The following HS3ST4 variants were observed in gnomAD, a reference collection of about 807,000 sequenced individuals.
HS3ST4 encodes heparan sulfate glucosamine 3-O-sulfotransferase 4.
In HS3ST4, 17 loss-of-function variants were observed where a neutral mutation model predicts 29.2. The observed-to-expected ratio is 0.58, with a 90% CI of 0.40 to 0.87. HS3ST4 has a LOEUF of 0.87. Among genes scored for constraint, HS3ST4 ranks in the 40% least tolerant of loss-of-function variants. The pLI is 0.00. For synonymous variants in HS3ST4, 314 were observed against 285.7 expected, an observed-to-expected ratio of 1.10 and a Z score of -1.00; for missense variants, 627 against 634.5, an observed-to-expected ratio of 0.99 and a Z score of 0.13.
At chr16:25,984,214 C>T (rs8050948) in intron 1 of HS3ST4, among the ~76,000 whole-genome samples, 3,122 of 152,256 alleles carry the variant, frequency 0.021, 127 homozygotes, top group African/African-American at 0.072. Context: ...ACACAGTGGT[C>T]CCCAACCTTT....
chr16:25,921,044 T>C (rs932643921), intron 1 of HS3ST4, among the ~76,000 whole-genome samples: 1 of 152,222 alleles, frequency 6.6e-6, no homozygotes, highest in African/African-American at 2.4e-5. Context: ...AATAACACTA[T>C]ACATTTTACC....
chr16:26,029,678 T>C (rs1325018040), intron 1 of HS3ST4, among the ~76,000 whole-genome samples: 1 of 152,220 alleles, frequency 6.6e-6, no homozygotes, highest in Non-Finnish European at 1.5e-5. Flanking sequence ...CCCAAAGTGC[T>C]GGGATTATAG....
chr16:25,760,843 C>G (rs775929573), intron 1 of HS3ST4, among the ~76,000 whole-genome samples: 1 of 152,174 alleles, frequency 6.6e-6, no homozygotes, highest in Non-Finnish European at 1.5e-5. Context: ...AGATATAATT[C>G]AGCCCATAAC....
At chr16:26,063,267 A>G (rs1898501617) in intron 1 of HS3ST4, among the ~76,000 whole-genome samples, 1 of 152,102 alleles carries the variant, frequency 6.6e-6, no homozygotes, top group Non-Finnish European at 1.5e-5. Context: ...AAGCATTTCT[A>G]TCATCCCCAA....
At chr16:25,959,119 G>C (rs1968767920) in intron 1 of HS3ST4, among the ~76,000 whole-genome samples, 1 of 152,164 alleles carries the variant, frequency 6.6e-6, no homozygotes, top group South Asian at 2.1e-4. Flanking sequence ...AAGGGTTTTG[G>C]AGTGGGCCGA....
Position 25,974,056 on chromosome 16 carries a change from C to G in HS3ST4, c.735-161556C>G, listed in dbSNP as rs1047090131. Reference sequence around the variant, plus strand: ...GTCACACTTAGCCCAGCTTCCTGCCCAACTCTTACCAGAGACAAGGCTCTT... The same window carrying G: ...GTCACACTTAGCCCAGCTTCCTGCCGAACTCTTACCAGAGACAAGGCTCTT... On this transcript the variant is annotated intron_variant, in intron 1 of 1. Transcript: ENST00000331351. Among the ~76,000 whole-genome samples the G allele has an allele frequency of 5.3e-5, 8 of 152,310 alleles. No homozygotes were observed. The East Asian group carries it at 1.3e-3, about 26-fold the overall frequency.
At chr16:26,062,940 C>T (rs1898494138) in intron 1 of HS3ST4, 1 of 214,778 alleles carries the variant, frequency 4.7e-6, no homozygotes, top group Non-Finnish European at 9.8e-6. Flanking sequence ...TCTCTTCAAC[C>T]TTCACTTTAG....
intron 1 of HS3ST4, among the ~76,000 whole-genome samples, chr16:25,917,528 A>G (rs1968304636): frequency 6.6e-6 from 1 of 152,214 alleles, no homozygotes; most frequent in South Asian, 2.1e-4. Context: ...CTTTCTAAAC[A>G]GACCAGGATG....
intron 1 of HS3ST4, among the ~76,000 whole-genome samples, chr16:26,012,712 A>G (rs1969321717): frequency 6.6e-6 from 1 of 152,208 alleles, no homozygotes; most frequent in Non-Finnish European, 1.5e-5. Context: ...CACATTCTTT[A>G]TATTCTCAGT....
chr16:26,075,167 C>T (rs777177046), intron 1 of HS3ST4, among the ~76,000 whole-genome samples: 5 of 152,148 alleles, frequency 3.3e-5, no homozygotes, highest in Non-Finnish European at 5.9e-5. Context: ...CACTCCAGCC[C>T]GGCAACAGAG....
chr16:26,032,908 TCA>T, intron 1 of HS3ST4: 1 of 924,502 alleles, frequency 1.1e-6, no homozygotes, highest in Admixed American at 1.9e-5. Flanking sequence ...CGCCTCTTCT[TCA>T]CACTGCTCCG....
chr16:26,123,475 G>A (rs1899302955), intron 1 of HS3ST4, among the ~76,000 whole-genome samples: 1 of 152,184 alleles, frequency 6.6e-6, no homozygotes, highest in South Asian at 2.1e-4. Context: ...AGTCCTAAGA[G>A]ATAACGAGAG....
chr16:25,982,731 G>A (rs1031193494), intron 1 of HS3ST4, among the ~76,000 whole-genome samples: 2 of 152,032 alleles, frequency 1.3e-5, no homozygotes, highest in African/African-American at 2.4e-5. Flanking sequence ...TTGGGAAGCC[G>A]AGGCAGGAGG....
chr16:26,120,052 A>AGTGTGTGTGTGTGT (rs35643541), intron 1 of HS3ST4, among the ~76,000 whole-genome samples: 1 of 131,450 alleles, frequency 7.6e-6, no homozygotes, highest in African/African-American at 2.7e-5. Flanking sequence ...AGCTGAAGGA[A>AGTGTGTGTGTGTGT]GTGTGTGTGT....
intron 1 of HS3ST4, among the ~76,000 whole-genome samples, chr16:25,917,570 T>C (rs546466710): frequency 2.0e-5 from 3 of 152,188 alleles, no homozygotes; most frequent in African/African-American, 7.2e-5. Context: ...AGGTGGACTA[T>C]GTGGAGTGAG....
chr16:25,958,916 G>A (rs1968764913), intron 1 of HS3ST4, among the ~76,000 whole-genome samples: 1 of 152,166 alleles, frequency 6.6e-6, no homozygotes, highest in African/African-American at 2.4e-5. Context: ...TGTGATCACT[G>A]ACATCCCAGA....
At chr16:25,830,710 A>C (rs957572576) in intron 1 of HS3ST4, among the ~76,000 whole-genome samples, 2 of 150,874 alleles carry the variant, frequency 1.3e-5, no homozygotes, top group African/African-American at 4.9e-5. Context: ...CCCCACCTTC[A>C]ATCCATGTCT....
chr16:25,926,986 C>T (rs549897828), intron 1 of HS3ST4, among the ~76,000 whole-genome samples: 6 of 152,106 alleles, frequency 3.9e-5, no homozygotes, highest in South Asian at 2.1e-4. Context: ...TGCTTGAACC[C>T]GGGAGGTGGA....
intron 1 of HS3ST4, among the ~76,000 whole-genome samples, chr16:26,021,389 C>T (rs944174892): frequency 6.6e-6 from 1 of 152,222 alleles, no homozygotes; most frequent in African/African-American, 2.4e-5. Flanking sequence ...CTGTTGACTT[C>T]TGTCCTCCCC....
Sources: gnomAD v4.1 joint callset for allele counts (sites outside exome capture counted in the v4.1 genomes callset) on GRCh38, gnomAD v4.1.1 for gene constraint, MANE v1.5 for transcripts, NCBI Gene and HGNC (gene_info 2026-07-23, HGNC 2026-07-21) for gene names.